Variants in GABBR1 observed in about 807,000 individuals in gnomAD.
GABBR1 encodes GABA-B receptor, R1 subunit.
GABBR1 carries 35 observed loss-of-function variants against 117.7 expected under a neutral mutation model. The ratio of observed to expected loss-of-function variants is 0.30; its 90% CI spans 0.23 to 0.39. The LOEUF is 0.39. GABBR1 is among the 10% of genes least tolerant of loss of function. The pLI is 1.00. For missense variants in GABBR1, 709 were observed against 1,241.8 expected, an observed-to-expected ratio of 0.57 and a Z score of 6.45; for synonymous variants, 442 against 486.6, an observed-to-expected ratio of 0.91 and a Z score of 1.21.
intron 6 of GABBR1, 143 bp from the exon 7 acceptor site, chr6:29,624,167 G>T: frequency 1.2e-6 from 1 of 830,108 alleles, no homozygotes; most frequent in East Asian, 2.9e-5. Flanking sequence ...TCTCCTTTCT[G>T]GCATCTCTTC....
Position 29,631,710 on chromosome 6 carries a change from G to T in GABBR1, c.86-111C>A. ...AGGGCGTGGTCTGTGGGCAGGCTGG[G>T]GACAGAGGAAGAGGGATGGGGCACT... is the stretch of plus-strand genomic sequence containing the variant. On this transcript the variant is annotated intron_variant, in intron 2 of 22. Transcript: ENST00000377034. The surrounding 1 kb of genome is among the most constrained non-coding windows in gnomAD (Gnocchi z 5.9). The T allele has an allele frequency of 1.1e-6, 1 of 902,244 alleles. No homozygotes were observed. Among genetic ancestry groups the T allele is most frequent in the Non-Finnish European group, 1.8e-6 (1 of 563,690 alleles). 55.9% of individuals were successfully genotyped at this position (902,244 alleles called of 1,614,324 possible).
chr6:29,626,507 A>G (rs1291668221), intron 6 of GABBR1, among the ~76,000 whole-genome samples: 5 of 151,514 alleles, frequency 3.3e-5, no homozygotes, highest in African/African-American at 4.9e-5. Context: ...GAGGGGTGGG[A>G]AAAAAAACCT....
chr6:29,632,287 G>A lies in GABBR1; in HGVS notation c.85+14C>T. 7.3e-7 allele frequency: 1 copy of A among 1,372,308 alleles called. No homozygotes were observed. The highest frequency in any genetic ancestry group is 9.5e-7 in the Non-Finnish European group (1 of 1,055,568). 85.0% of individuals were successfully genotyped at this position (1,372,308 alleles called of 1,614,324 possible). ...GAGCGAAGGAGGGCCGGAGGTCGTC[G>A]AAGAAGGATGCACCTTCTGAGGTGG... is the stretch of plus-strand genomic sequence containing the variant. On this transcript the variant is annotated intron_variant, in intron 2 of 22. Coordinates refer to ENST00000377034, the MANE Select transcript of GABBR1 (RefSeq NM_001470.4). This position sits in a 1 kb window ranked among gnomAD's most constrained non-coding sequence, Gnocchi z 5.8.
Position 29,606,844 on chromosome 6 carries a change from G to C in GABBR1, c.2217+53C>G, listed in dbSNP as rs1762006560. ...CACACACAGCCCCAGGGCCCTGATG[G>C]CCACTGAGCCCTGCTCATTCTCCTG... On this transcript the variant is annotated intron_variant, in intron 18 of 22. Coordinates refer to ENST00000377034, the MANE Select transcript of GABBR1 (RefSeq NM_001470.4). This position sits in a 1 kb window ranked among gnomAD's most constrained non-coding sequence, Gnocchi z 4.5. 1.4e-6 allele frequency: 2 copies of C among 1,464,104 alleles called. No individual in the cohort carries two copies. The highest frequency in any genetic ancestry group is 1.9e-6 in the Non-Finnish European group (2 of 1,045,946). The allele number at this position is 1,464,104 out of a possible 1,614,324, so 90.7% of individuals were successfully genotyped here.
At position 29,623,881 on chromosome 6, in the gene GABBR1, C is replaced by T. The variant is rs752399857; in HGVS notation, c.792+9G>A. Reference sequence around the variant, plus strand: ...GACCCCATCTTCTGACCCCCATAGCCCTGCTTACCACAATGAGGTTCCACA... The same window carrying T: ...GACCCCATCTTCTGACCCCCATAGCTCTGCTTACCACAATGAGGTTCCACA... On this transcript the variant is annotated intron_variant, in intron 7 of 22. Transcript: ENST00000377034. This position sits in a 1 kb window ranked among gnomAD's most constrained non-coding sequence, Gnocchi z 6.2. 1 of 1,611,970 alleles carries T rather than the reference C, an allele frequency of 6.2e-7. No individual in the cohort carries two copies. The highest frequency in any genetic ancestry group is 8.5e-7 in the Non-Finnish European group (1 of 1,179,474).
At position 29,606,647 on chromosome 6, in the gene GABBR1, C is replaced by T; in HGVS notation, c.2218-163G>A. The stretch of plus-strand genomic sequence containing the variant: ...ATGTTTTCCTGAACCCTTGGAGGTG[C>T]TTGTTCCCCACTTTCCCTGATGCCT... On this transcript the variant is annotated intron_variant, in intron 18 of 22. Transcript: ENST00000377034. The surrounding 1 kb of genome is among the most constrained non-coding windows in gnomAD (Gnocchi z 4.5). 1 of 651,554 alleles carries T rather than the reference C, an allele frequency of 1.5e-6. No homozygotes were observed. Among genetic ancestry groups the T allele is most frequent in the Non-Finnish European group, 2.7e-6 (1 of 368,130 alleles). The allele number at this position is 651,554 out of a possible 1,614,324, so 40.4% of individuals were successfully genotyped here. A position where few individuals can be genotyped will look rare whatever the true frequency, so the allele number is the denominator to read the frequency against.
chr6:29,629,288 AG>A (rs1467428636), intron 4 of GABBR1, 181 bp from the exon 5 acceptor site: 1 of 719,116 alleles, frequency 1.4e-6, no homozygotes, highest in Admixed American at 2.0e-5. Flanking sequence ...TAAGGGGGTC[AG>A]GACTTATTTT....
Position 29,630,554 on chromosome 6 carries a change from C to T in GABBR1, c.379G>A (p.Val127Met), listed in dbSNP as rs774176235. ...AAGTCGGGGTCACACCGGAAATCCACCCGGGCTCCGTCCAGAGCTGGGAGG... is the reference window on the plus strand; with the variant it reads ...AAGTCGGGGTCACACCGGAAATCCATCCGGGCTCCGTCCAGAGCTGGGAGG... Reference protein sequence around the residue: ...GDLPALDGARVDFRCDPDFHL... With the variant: ...GDLPALDGARMDFRCDPDFHL... Residue 127 changes from valine (V) to methionine (M), a missense_variant, in exon 4 of 23, where the codon GTG becomes ATG. Physicochemically the swap from Val to Met is conservative, Grantham distance 21. Around this residue, in one of 9 missense-constraint regions of GABBR1, gnomAD observed 101 missense variants for 132.3 expected, o/e 0.76. Coordinates refer to ENST00000377034, the MANE Select transcript of GABBR1 (RefSeq NM_001470.4). The surrounding 1 kb of genome is among the most constrained non-coding windows in gnomAD (Gnocchi z 4.9). 1 of 1,613,098 alleles carries T rather than the reference C, an allele frequency of 6.2e-7. No individual in the cohort carries two copies. The highest frequency in any genetic ancestry group is 1.3e-5 in the African/African-American group (1 of 75,050).
At chr6:29,603,778 A>C in intron 22 of GABBR1, 62 bp from the exon 23 acceptor site, 1 of 1,273,082 alleles carries the variant, frequency 7.9e-7, no homozygotes, top group Non-Finnish European at 1.0e-6. Context: ...AGTGGGGAGG[A>C]GGGAAAGAGA....
Position 29,612,541 on chromosome 6 carries a change from C to A in GABBR1, c.1630+10G>T, listed in dbSNP as rs772600605. The stretch of plus-strand genomic sequence containing the variant: ...CCCCATGTCCGGTCCCCTCCTGCCC[C>A]TGTACTAACCCTGAAGCTGCTCGAT... On this transcript the variant is annotated intron_variant, in intron 13 of 22. Transcript: ENST00000377034. 34 of 1,613,566 alleles carry A rather than the reference C, an allele frequency of 2.1e-5. 1 individual carries two copies. Among genetic ancestry groups the A allele is most frequent in the Non-Finnish European group, 1.9e-5 (22 of 1,179,640 alleles).
Position 29,606,259 on chromosome 6 carries a change from T to C in GABBR1, c.2311+132A>G, listed in dbSNP as rs972211948. On this transcript the variant is annotated intron_variant, in intron 19 of 22. Transcript: ENST00000377034. The surrounding 1 kb of genome is among the most constrained non-coding windows in gnomAD (Gnocchi z 4.5). The stretch of plus-strand genomic sequence containing the variant: ...AAAAGATTAGTGCAATAACAAAGAG[T>C]AGGGTGTTCAAACTGGGTTGACAAG... The C allele has an allele frequency of 4.3e-6, 3 of 703,182 alleles. No homozygotes were observed. The highest frequency in any genetic ancestry group is 1.8e-5 in the African/African-American group (1 of 56,572). 43.6% of individuals were successfully genotyped at this position (703,182 alleles called of 1,614,324 possible). A position where few individuals can be genotyped will look rare whatever the true frequency, so the allele number is the denominator to read the frequency against.
chr6:29,609,317 G>C lies in GABBR1; in HGVS notation c.1771C>G (p.Leu591Val). The C allele has an allele frequency of 6.2e-7, 1 of 1,613,056 alleles. No individual in the cohort carries two copies. Among genetic ancestry groups the C allele is most frequent in the Non-Finnish European group, 8.5e-7 (1 of 1,180,004 alleles). ...GAGAGAACTGAGACGGAGATAAAGA[G>C]TTTCTGTGACAGGAAGCGGAATGTC... ...IKTFRFLSQK[L>V]FISVSVLSSL... Residue 591 changes from leucine to valine, a missense_variant, in exon 15 of 23, where the codon CTC (leucine) becomes GTC (valine). Transcript: ENST00000377034. This position sits in a 1 kb window ranked among gnomAD's most constrained non-coding sequence, Gnocchi z 4.3.
Position 29,632,747 on chromosome 6 carries a change from C to T in GABBR1, c.-1+103G>A, listed in dbSNP as rs1765142024. Reference sequence around the variant, plus strand: ...CATCCCCGCGGTTCCTCCTCTCCCCCAGCCCCGCTTCCCCCAGCTGGGCCC... The same window carrying T: ...CATCCCCGCGGTTCCTCCTCTCCCCTAGCCCCGCTTCCCCCAGCTGGGCCC... On this transcript the variant is annotated intron_variant, in intron 1 of 22. Coordinates refer to ENST00000377034, the MANE Select transcript of GABBR1 (RefSeq NM_001470.4). The surrounding 1 kb of genome is among the most constrained non-coding windows in gnomAD (Gnocchi z 5.8). 3.3e-6 allele frequency: 4 copies of T among 1,229,020 alleles called. No individual in the cohort carries two copies. The highest frequency in any genetic ancestry group is 2.4e-4 in the Middle Eastern group (1 of 4,230). The allele number at this position is 1,229,020 out of a possible 1,614,324, so 76.1% of individuals were successfully genotyped here.
In GABBR1 at chr6:29,613,353, C is replaced by G. The variant is rs1392129729; in HGVS notation, c.1456G>C (p.Gly486Arg). Residue 486 changes from glycine (G) to arginine (R), a missense_variant, in exon 12 of 23, where the codon GGA becomes CGA. Gly to Arg is a moderately radical substitution (Grantham distance 125). Transcript: ENST00000377034. This position sits in a 1 kb window ranked among gnomAD's most constrained non-coding sequence, Gnocchi z 4.1. The stretch of plus-strand genomic sequence containing the variant: ...CGCACACCAGAACGGCCGCCTCCTC[C>G]AGATGTCTTGTTCAGGGCCAGTGCC... The part of the protein sequence containing the change: ...ALALALNKTS[G>R]GGGRSGVRLE... 1 of 1,613,112 alleles carries G rather than the reference C, an allele frequency of 6.2e-7. No individual in the cohort carries two copies. Among genetic ancestry groups the G allele is most frequent in the Non-Finnish European group, 8.5e-7 (1 of 1,180,032 alleles).
intron 4 of GABBR1, 67 bp from the exon 5 acceptor site, chr6:29,629,174 C>A (rs537939288): frequency 1.9e-6 from 3 of 1,569,954 alleles, no homozygotes; most frequent in Non-Finnish European, 2.6e-6. Flanking sequence ...TGGCCTGATC[C>A]CCAGCCCCCT....
At position 29,606,075 on chromosome 6, in the gene GABBR1, T is replaced by A. The variant is rs1174174645; in HGVS notation, c.2311+316A>T. 1 of 535,346 alleles carries A rather than the reference T, an allele frequency of 1.9e-6. No homozygotes were observed. Among genetic ancestry groups the A allele is most frequent in the African/African-American group, 1.9e-5 (1 of 53,066 alleles). The allele number at this position is 535,346 out of a possible 1,614,324, so 33.2% of individuals were successfully genotyped here. On this transcript the variant is annotated intron_variant, in intron 19 of 22. Coordinates refer to ENST00000377034, the MANE Select transcript of GABBR1 (RefSeq NM_001470.4). The surrounding 1 kb of genome is among the most constrained non-coding windows in gnomAD (Gnocchi z 4.5). The stretch of plus-strand genomic sequence containing the variant: ...CAATTTGTGACCATGAATCGAACAA[T>A]GCTAATAAGGCCAAGGGGGATCTAA...
rs1762002690 is a variant in GABBR1 at position 29,606,792 on chromosome 6, C to T, written c.2217+105G>A. On this transcript the variant is annotated intron_variant, in intron 18 of 22. Coordinates refer to ENST00000377034, the MANE Select transcript of GABBR1 (RefSeq NM_001470.4). The surrounding 1 kb of genome is among the most constrained non-coding windows in gnomAD (Gnocchi z 4.5). Reference sequence around the variant, plus strand: ...GAGCTTCCAATACGAGGAAGGCACTCTCTCCAAGTAGCTTCATCCCTCAAG... The same window carrying T: ...GAGCTTCCAATACGAGGAAGGCACTTTCTCCAAGTAGCTTCATCCCTCAAG... The T allele has an allele frequency of 3.3e-6, 3 of 905,388 alleles. No individual in the cohort carries two copies. Among genetic ancestry groups the T allele is most frequent in the Non-Finnish European group, 5.2e-6 (3 of 578,574 alleles). 56.1% of individuals were successfully genotyped at this position (905,388 alleles called of 1,614,324 possible). A position where few individuals can be genotyped will look rare whatever the true frequency, so the allele number is the denominator to read the frequency against.
In GABBR1 at chr6:29,606,963, C is replaced by A; in HGVS notation, c.2151G>T (p.Leu717=). The stretch of plus-strand genomic sequence containing the variant: ...CGAGAGTGAGGACATCCATGCCCAC[C>A]AGCAGGCCCACTGTGGCATACAGCT... ...PWKLYATVGL[L]VGMDVLTLAI... Residue 717 remains leucine, a synonymous_variant, in exon 18 of 23, where the codon CTG becomes CTT. Coordinates refer to ENST00000377034, the MANE Select transcript of GABBR1 (RefSeq NM_001470.4). This position sits in a 1 kb window ranked among gnomAD's most constrained non-coding sequence, Gnocchi z 4.5. The A allele has an allele frequency of 6.2e-7, 1 of 1,614,252 alleles. No homozygotes were observed. The highest frequency in any genetic ancestry group is 8.5e-7 in the Non-Finnish European group (1 of 1,180,054).
intron 6 of GABBR1, among the ~76,000 whole-genome samples, chr6:29,625,490 A>G (rs1764177705): frequency 3.3e-5 from 5 of 152,002 alleles, no homozygotes. Flanking sequence ...TCCACACACT[A>G]TTCATCACTG....
Sources: gnomAD v4.1 joint callset for allele counts (sites outside exome capture counted in the v4.1 genomes callset) on GRCh38, gnomAD v4.1.1 for gene constraint, gnomAD v4.1.1 regional missense constraint, Gnocchi (gnomAD v3.1) non-coding constraint, MANE v1.5 for transcripts, NCBI Gene and HGNC (gene_info 2026-07-23, HGNC 2026-07-21) for gene names.